The following PPFIBP2 variants were observed in gnomAD, a reference collection of about 807,000 sequenced individuals.
The protein encoded by PPFIBP2 is PPFIB scaffold protein 2.
Under a neutral mutation model 118.3 loss-of-function variants are expected in PPFIBP2, and 118 were observed. That is an observed-to-expected ratio of 1.00 (90% confidence interval 0.86 to 1.16). PPFIBP2 has a LOEUF of 1.16. Among genes scored for constraint, PPFIBP2 ranks in the 50% most tolerant of loss-of-function variants. PPFIBP2 has a pLI of 0.00. For synonymous variants in PPFIBP2, 414 were observed against 397.4 expected, an observed-to-expected ratio of 1.04 and a Z score of -0.50; for missense variants, 1,195 against 1,073.1, an observed-to-expected ratio of 1.11 and a Z score of -1.59.
intron 5 of PPFIBP2, among the ~76,000 whole-genome samples, chr11:7,608,537 G>A (rs1323968240): frequency 2.6e-5 from 4 of 152,234 alleles, no homozygotes; most frequent in Non-Finnish European, 4.4e-5. Context: ...CTACTCGGGA[G>A]GCTGAGGCAG....
In PPFIBP2 at chr11:7,649,637, C is replaced by T. The variant is rs544342098; in HGVS notation, c.2104C>T (p.Arg702Trp). Residue 702 changes from arginine to tryptophan, a missense_variant, in exon 21 of 24, where the codon CGG (arginine) becomes TGG (tryptophan). Coordinates refer to ENST00000299492, the MANE Select transcript of PPFIBP2 (RefSeq NM_003621.5). ...VNKFNPHCLHRRPADESNLSP... is the reference protein window; with the variant it reads ...VNKFNPHCLHWRPADESNLSP... Reference sequence around the variant, plus strand: ...CAAGTTCAACCCCCACTGCCTGCACCGGCGGCCAGCTGATGAGGTGAGACC... The same window carrying T: ...CAAGTTCAACCCCCACTGCCTGCACTGGCGGCCAGCTGATGAGGTGAGACC... The T allele has an allele frequency of 2.8e-5, 45 of 1,614,106 alleles. No individual in the cohort carries two copies. The highest frequency in any genetic ancestry group is 2.5e-4 in the Admixed American group (15 of 60,018).
chr11:7,584,407 G>T, intron 3 of PPFIBP2, among the ~76,000 whole-genome samples: 1 of 152,158 alleles, frequency 6.6e-6, no homozygotes, highest in Non-Finnish European at 1.5e-5. Flanking sequence ...TCAAGGTCAG[G>T]ATAGGCTTTC....
intron 3 of PPFIBP2, among the ~76,000 whole-genome samples, chr11:7,585,258 A>G (rs1857932202): frequency 6.6e-6 from 1 of 152,226 alleles, no homozygotes; most frequent in African/African-American, 2.4e-5. Context: ...AGGAAGGCAG[A>G]TGCATTTTGA....
intron 1 of PPFIBP2, among the ~76,000 whole-genome samples, chr11:7,547,562 C>T (rs1171212696): frequency 6.6e-6 from 1 of 152,150 alleles, no homozygotes; most frequent in Non-Finnish European, 1.5e-5. Context: ...TCCCTGCTAC[C>T]TCTTCTTTTA....
intron 3 of PPFIBP2, chr11:7,577,345 G>GTGTGTGTGTGTA (rs1256369683): frequency 1.9e-4 from 63 of 333,838 alleles, no homozygotes; most frequent in African/African-American, 6.2e-4. Flanking sequence ...GTGTGTGTGT[G>GTGTGTGTGTGTA]TGTGTGTTTG....
chr11:7,583,274 G>A (rs1270083095), intron 3 of PPFIBP2, among the ~76,000 whole-genome samples: 2 of 152,110 alleles, frequency 1.3e-5, no homozygotes, highest in Admixed American at 6.6e-5. Flanking sequence ...CTTGTGACCC[G>A]AGGAGCAGCT....
intron 1 of PPFIBP2, among the ~76,000 whole-genome samples, chr11:7,526,120 A>T (rs1481205607): frequency 6.6e-6 from 1 of 152,220 alleles, no homozygotes; most frequent in Non-Finnish European, 1.5e-5. Flanking sequence ...CTACCTGCAA[A>T]GGGTATTGTT....
intron 3 of PPFIBP2, among the ~76,000 whole-genome samples, chr11:7,589,485 C>T (rs1858835639): frequency 6.6e-6 from 1 of 151,926 alleles, no homozygotes; most frequent in African/African-American, 2.4e-5. Flanking sequence ...CCCAGCTACT[C>T]AAGAGGCTGA....
At position 7,602,311 on chromosome 11, in the gene PPFIBP2, G is replaced by A. The variant is rs188687352; in HGVS notation, c.486+4638G>A. ...CCCAGAATTGTACACTAGGGTTTCC[G>A]GCATGGACCAGCGATGTTCTTGTGA... is the stretch of plus-strand genomic sequence containing the variant. On this transcript the variant is annotated intron_variant, in intron 5 of 23. Coordinates refer to ENST00000299492, the MANE Select transcript of PPFIBP2 (RefSeq NM_003621.5). 1.7e-4 allele frequency among the ~76,000 whole-genome samples: 26 copies of A among 152,234 alleles called. No individual in the cohort carries two copies. In the East Asian group the frequency reaches 4.6e-3, roughly 27 times the overall value.
intron 1 of PPFIBP2, among the ~76,000 whole-genome samples, chr11:7,532,707 G>C (rs1850824926): frequency 6.6e-6 from 1 of 152,220 alleles, no homozygotes; most frequent in Non-Finnish European, 1.5e-5. Flanking sequence ...CTTCTCCTCT[G>C]ATGGAGGCAG....
downstream of PPFIBP2, among the ~76,000 whole-genome samples, chr11:7,658,165 C>T (rs1014412023): frequency 1.3e-5 from 2 of 151,802 alleles, no homozygotes; most frequent in African/African-American, 2.4e-5. Context: ...TTTTATTATA[C>T]TTTAAGTTTT....
intron 3 of PPFIBP2, chr11:7,577,333 G>A (rs950669759): frequency 8.3e-5 from 25 of 302,402 alleles, no homozygotes; most frequent in South Asian, 5.2e-4. Flanking sequence ...GTGTGTGTGT[G>A]TGTGTGTGTG....
chr11:7,556,445 C>T (rs920108526), intron 2 of PPFIBP2, among the ~76,000 whole-genome samples: 19 of 152,154 alleles, frequency 1.2e-4, no homozygotes, highest in African/African-American at 4.1e-4. Context: ...CAGACTCTGT[C>T]TCAAAAAATA....
intron 1 of PPFIBP2, among the ~76,000 whole-genome samples, chr11:7,520,398 T>C: frequency 6.6e-6 from 1 of 152,216 alleles, no homozygotes; most frequent in Middle Eastern, 3.2e-3. Flanking sequence ...CAACTGGCCT[T>C]GCACCTTGGG....
chr11:7,666,375 A>G, the PPFIBP2 span: 1 of 932,484 alleles, frequency 1.1e-6, no homozygotes, highest in East Asian at 2.4e-5. Context: ...AACAAAACAA[A>G]GAGACAGAGA....
At chr11:7,579,808 A>G (rs1465967691) in intron 3 of PPFIBP2, among the ~76,000 whole-genome samples, 1 of 152,172 alleles carries the variant, frequency 6.6e-6, no homozygotes, top group Non-Finnish European at 1.5e-5. Context: ...AGCAAAACAG[A>G]TATTTTTCTT....
chr11:7,597,365 C>A (rs758896924), intron 4 of PPFIBP2, 195 bp from the exon 5 acceptor site: 1 of 1,536,024 alleles, frequency 6.5e-7, no homozygotes, highest in Admixed American at 2.0e-5. Flanking sequence ...GCCGAGACTC[C>A]CTGGTAAGGT....
chr11:7,657,144 C>T (rs113679214), downstream of PPFIBP2: 769 of 213,380 alleles, frequency 3.6e-3, 8 homozygotes, highest in Non-Finnish European at 3.2e-3. Context: ...CTCTCACACT[C>T]GAGGGGAAGA....
At chr11:7,528,927 C>T (rs1850448056) in intron 1 of PPFIBP2, among the ~76,000 whole-genome samples, 1 of 152,136 alleles carries the variant, frequency 6.6e-6, no homozygotes, top group Non-Finnish European at 1.5e-5. Context: ...CCTCCTGGAG[C>T]TCAGAACTCA....
Sources: allele counts gnomAD v4.1 joint callset (sites outside exome capture counted in the v4.1 genomes callset), GRCh38; gene constraint gnomAD v4.1.1; transcripts MANE v1.5; gene names NCBI Gene and HGNC (gene_info 2026-07-23, HGNC 2026-07-21).